Variants in PTH1R observed in about 807,000 individuals in gnomAD.
PTH1R encodes the protein parathyroid hormone 1 receptor.
A neutral mutation model predicts 70.7 loss-of-function variants in PTH1R; 32 were observed. The ratio of observed to expected loss-of-function variants is 0.45; its 90% CI spans 0.34 to 0.61. The LOEUF (loss-of-function observed/expected upper bound fraction) is 0.61, where lower values mean the gene tolerates loss of function less well. Ranked by LOEUF, PTH1R falls within the 20% of genes least tolerant of loss-of-function variation. The probability of loss-of-function intolerance (pLI) is 0.01; values close to 1 mark genes in which losing one functional copy is unlikely to be tolerated. For synonymous variants in PTH1R, 329 were observed against 324.8 expected (o/e 1.01, Z -0.14); for missense variants, 626 against 792.5 (o/e 0.79, Z 2.52).
In PTH1R at chr3:46,884,034, C is replaced by A. The variant is rs1244512911; in HGVS notation, c.75+400C>A. Among the ~76,000 whole-genome samples the A allele has an allele frequency of 6.6e-6, 1 of 152,174 alleles. No individual in the cohort carries two copies. The highest frequency in any genetic ancestry group is 6.5e-5 in the Admixed American group (1 of 15,288). Reference sequence around the variant, plus strand: ...TTTTCTGCAAGTTTTGTTGCAGTCCCGGACACAGGGAATGTAGGTCTGAGG... The same window carrying A: ...TTTTCTGCAAGTTTTGTTGCAGTCCAGGACACAGGGAATGTAGGTCTGAGG... On this transcript the variant is annotated intron_variant, in intron 3 of 15. Coordinates refer to ENST00000449590, the MANE Select transcript of PTH1R (RefSeq NM_000316.3). The surrounding 1 kb of genome is among the most constrained non-coding windows in gnomAD (Gnocchi z 4.8).
intron 10 of PTH1R, among the ~76,000 whole-genome samples, chr3:46,900,197 A>C (rs553462029): frequency 6.6e-6 from 1 of 152,012 alleles, no homozygotes; most frequent in African/African-American, 2.4e-5. Context: ...CTCGACATAC[A>C]TCCTGACCCT....
intron 1 of PTH1R, among the ~76,000 whole-genome samples, chr3:46,880,726 T>TGAA (rs541243988): frequency 2.4e-4 from 37 of 151,430 alleles, no homozygotes; most frequent in Non-Finnish European, 4.3e-4. Context: ...GACTTTGTCT[T>TGAA]GAAGAAGAAG....
intron 3 of PTH1R, among the ~76,000 whole-genome samples, chr3:46,888,934 G>C (rs1484787802): frequency 2.0e-5 from 3 of 152,050 alleles, no homozygotes; most frequent in African/African-American, 7.2e-5. Context: ...AACACAGGCA[G>C]CCTGTTCAGG....
chr3:46,888,516 C>T (rs1003427934), intron 3 of PTH1R, among the ~76,000 whole-genome samples: 26 of 152,266 alleles, frequency 1.7e-4, no homozygotes, highest in Non-Finnish European at 3.2e-4. Flanking sequence ...AAGGAGAGTC[C>T]TCAGGAAAAA....
Position 46,903,606 on chromosome 3 carries a change from C to T in PTH1R, c.1732C>T (p.Pro578Ser), listed in dbSNP as rs2032267228. ...AGGCCTGGACGAGGAGGCCTCTGGG[C>T]CTGAGCGGCCACCTGCCCTGCTACA... ...CSGLDEEASG[P>S]ERPPALLQEE... The change falls in exon 16 of 16, where the codon CCT becomes TCT. Residue 578 changes from proline to serine, a missense_variant. By Grantham distance (74) the Pro-to-Ser change is moderately conservative. This residue lies in a region of PTH1R where 495 missense variants were observed against 638.7 expected (regional missense o/e 0.77). Coordinates refer to ENST00000449590, the MANE Select transcript of PTH1R (RefSeq NM_000316.3). This position sits in a 1 kb window ranked among gnomAD's most constrained non-coding sequence, Gnocchi z 4.4. 3.1e-6 allele frequency: 5 copies of T among 1,613,166 alleles called. No individual in the cohort carries two copies. The highest frequency in any genetic ancestry group is 4.2e-6 in the Non-Finnish European group (5 of 1,180,004).
Position 46,903,570 on chromosome 3 carries a change from G to A in PTH1R, c.1696G>A (p.Gly566Ser), listed in dbSNP as rs147371743. 1.5e-5 allele frequency: 24 copies of A among 1,613,866 alleles called. No individual in the cohort carries two copies. The highest frequency in any genetic ancestry group is 1.6e-4 in the Middle Eastern group (1 of 6,062). Residue 566 changes from glycine (G) to serine (S), a missense_variant, in exon 16 of 16, where the codon GGC (glycine) becomes AGC (serine). Coordinates refer to ENST00000449590, the MANE Select transcript of PTH1R (RefSeq NM_000316.3). This position sits in a 1 kb window ranked among gnomAD's most constrained non-coding sequence, Gnocchi z 4.4. ...AAPKDDGFLN[G>S]SCSGLDEEAS... is the part of the protein sequence containing the mutation. ...TCCCAAGGACGATGGGTTCCTCAAC[G>A]GCTCCTGCTCAGGCCTGGACGAGGA...
At position 46,901,739 on chromosome 3, in the gene PTH1R, C is replaced by T. The variant is rs144293126; in HGVS notation, c.1117-27C>T. 3.1e-3 allele frequency: 4,984 copies of T among 1,604,406 alleles called. 17 individuals are homozygous for T. Among genetic ancestry groups the T allele is most frequent in the Non-Finnish European group, 4.0e-3 (4,632 of 1,171,200 alleles). On this transcript the variant is annotated intron_variant, in intron 12 of 15. Transcript: ENST00000449590. This position sits in a 1 kb window ranked among gnomAD's most constrained non-coding sequence, Gnocchi z 7.3. ...GCCCCGCCCCACTAGGGTGCAGCCT[C>T]CAGACGCAGCCCCCTCACTCCCACA... is the stretch of plus-strand genomic sequence containing the variant.
chr3:46,903,152 G>T lies in PTH1R; in HGVS notation c.1396-118G>T. Reference sequence around the variant, plus strand: ...GAGGATGGGATTTCACTTGGCCTTGGAGTTTCCCAGGAGTCCCCTATTCCC... The same window carrying T: ...GAGGATGGGATTTCACTTGGCCTTGTAGTTTCCCAGGAGTCCCCTATTCCC... On this transcript the variant is annotated intron_variant, in intron 15 of 15. Transcript: ENST00000449590. The surrounding 1 kb of genome is among the most constrained non-coding windows in gnomAD (Gnocchi z 4.4). 6.5e-7 allele frequency: 1 copy of T among 1,533,358 alleles called. No homozygotes were observed. The highest frequency in any genetic ancestry group is 1.2e-5 in the South Asian group (1 of 83,198). 95.0% of individuals were successfully genotyped at this position (1,533,358 alleles called of 1,614,324 possible).
chr3:46,885,274 G>A (rs912593346), intron 3 of PTH1R, among the ~76,000 whole-genome samples: 6 of 152,104 alleles, frequency 3.9e-5, no homozygotes, highest in Admixed American at 3.3e-4. Flanking sequence ...ACTTGGAGGC[G>A]CAGTTGTGTG....
At position 46,882,173 on chromosome 3, in the gene PTH1R, G is replaced by C. The variant is rs929210476; in HGVS notation, c.-49+1055G>C. The C allele has an allele frequency of 1.3e-5, 2 of 151,508 alleles. No individual in the cohort carries two copies. Among genetic ancestry groups the C allele is most frequent in the Non-Finnish European group, 3.0e-5 (2 of 67,780 alleles). The allele number at this position is 151,508 out of a possible 1,614,324, so 9.4% of individuals were successfully genotyped here. On this transcript the variant is annotated intron_variant, in intron 2 of 15. Transcript: ENST00000449590. The surrounding 1 kb of genome is among the most constrained non-coding windows in gnomAD (Gnocchi z 4.3). Reference sequence around the variant, plus strand: ...GGCCTCTCCACACTCCCGCGTCGGCGGCTGCGGAGGGGGTGGGGGCGGGAG... The same window carrying C: ...GGCCTCTCCACACTCCCGCGTCGGCCGCTGCGGAGGGGGTGGGGGCGGGAG...
chr3:46,899,570 C>G, intron 10 of PTH1R, 114 bp downstream of exon 10: 9 of 1,373,532 alleles, frequency 6.6e-6, no homozygotes, highest in Non-Finnish European at 8.9e-6. Context: ...CCAAGTGGAA[C>G]AGCAGGAGAG....
intron 2 of PTH1R, among the ~76,000 whole-genome samples, chr3:46,881,713 G>A (rs2030579528): frequency 6.6e-6 from 1 of 151,866 alleles, no homozygotes; most frequent in Non-Finnish European, 1.5e-5. Flanking sequence ...AGGGGACGAG[G>A]CGAGGGTGGG....
At position 46,893,663 on chromosome 3, in the gene PTH1R, A is replaced by G. The variant is rs2031561939; in HGVS notation, c.76-244A>G. Among the ~76,000 whole-genome samples the G allele has an allele frequency of 6.6e-6, 1 of 152,198 alleles. No homozygotes were observed. The highest frequency in any genetic ancestry group is 6.5e-5 in the Admixed American group (1 of 15,278). On this transcript the variant is annotated intron_variant, in intron 3 of 15. Transcript: ENST00000449590. This position sits in a 1 kb window ranked among gnomAD's most constrained non-coding sequence, Gnocchi z 5.2. The stretch of plus-strand genomic sequence containing the variant: ...GCAGCCTACAGGGTTACTGGCGGGC[A>G]GGCAGGAGAGAGCCCCTGCTTTTTC...
chr3:46,887,047 T>C (rs2031080433), intron 3 of PTH1R, among the ~76,000 whole-genome samples: 1 of 152,088 alleles, frequency 6.6e-6, no homozygotes, highest in Non-Finnish European at 1.5e-5. Context: ...GAGACCAGCC[T>C]GGCCAACATG....
At position 46,903,613 on chromosome 3, in the gene PTH1R, G is replaced by A. The variant is rs199993460; in HGVS notation, c.1739G>A (p.Arg580Gln). Residue 580 changes from arginine to glutamine, a missense_variant, in exon 16 of 16, where the codon CGG becomes CAG. Physicochemically the swap from Arg to Gln is conservative, Grantham distance 43. Coordinates refer to ENST00000449590, the MANE Select transcript of PTH1R (RefSeq NM_000316.3). This position sits in a 1 kb window ranked among gnomAD's most constrained non-coding sequence, Gnocchi z 4.4. ...GACGAGGAGGCCTCTGGGCCTGAGC[G>A]GCCACCTGCCCTGCTACAGGAAGAG... ...GLDEEASGPE[R>Q]PPALLQEEWE... is the part of the protein sequence containing the mutation. 50 of 1,612,916 alleles carry A rather than the reference G, an allele frequency of 3.1e-5. No individual in the cohort carries two copies. Among genetic ancestry groups the A allele is most frequent in the African/African-American group, 2.7e-4 (20 of 75,060 alleles).
rs1399273009 is a variant in PTH1R at position 46,897,745 on chromosome 3, A to C, written c.314-110A>C. 4 of 1,080,388 alleles carry C rather than the reference A, an allele frequency of 3.7e-6. 1 individual carries two copies. The South Asian group carries it at 4.0e-5, about 11-fold the overall frequency. The allele number at this position is 1,080,388 out of a possible 1,614,324, so 66.9% of individuals were successfully genotyped here. ...AAACTCCGTCTCAAAAAAACAAAACAAAACAAAAACAAAAACAAACAAACC... is the reference window on the plus strand; with the variant it reads ...AAACTCCGTCTCAAAAAAACAAAACCAAACAAAAACAAAAACAAACAAACC... On this transcript the variant is annotated intron_variant, in intron 5 of 15. Coordinates refer to ENST00000449590, the MANE Select transcript of PTH1R (RefSeq NM_000316.3).
At chr3:46,890,375 G>T (rs1368257945) in intron 3 of PTH1R, among the ~76,000 whole-genome samples, 1 of 152,178 alleles carries the variant, frequency 6.6e-6, no homozygotes, top group Non-Finnish European at 1.5e-5. Context: ...GGTGCACATG[G>T]CGGGGATGTG....
intron 4 of PTH1R, among the ~76,000 whole-genome samples, chr3:46,895,105 C>T (rs980354307): frequency 3.2e-5 from 4 of 125,006 alleles, no homozygotes; most frequent in South Asian, 2.8e-4. Context: ...AAAAAAAAAA[C>T]GTCCAGCATC....
chr3:46,890,902 C>T (rs1477600362), intron 3 of PTH1R, among the ~76,000 whole-genome samples: 1 of 152,098 alleles, frequency 6.6e-6, no homozygotes, highest in Non-Finnish European at 1.5e-5. Flanking sequence ...AGGTGGGATT[C>T]ACATTGTGGG....
Sources: gnomAD v4.1 joint callset for allele counts (sites outside exome capture counted in the v4.1 genomes callset) on GRCh38, gnomAD v4.1.1 for gene constraint, gnomAD v4.1.1 regional missense constraint, Gnocchi (gnomAD v3.1) non-coding constraint, MANE v1.5 for transcripts, NCBI Gene and HGNC (gene_info 2026-07-23, HGNC 2026-07-21) for gene names.